Variants in SLCO4C1 observed in about 807,000 individuals in gnomAD.
The protein encoded by SLCO4C1 is organic anion transporter M1.
SLCO4C1 carries 58 observed loss-of-function variants against 72.1 expected under a neutral mutation model. The observed-to-expected ratio is 0.80, with a 90% CI of 0.65 to 1.00. The LOEUF is 1.00. Ranked by LOEUF, SLCO4C1 falls within the 50% of genes least tolerant of loss-of-function variation. SLCO4C1 has a pLI of 0.00. For synonymous variants in SLCO4C1, 297 were observed against 312.5 expected (o/e 0.95, Z 0.52); for missense variants, 898 against 857.9 (o/e 1.05, Z -0.58).
At chr5:102,282,984 T>C (rs1174355806) in intron 2 of SLCO4C1, among the ~76,000 whole-genome samples, 3 of 151,976 alleles carry the variant, frequency 2.0e-5, no homozygotes, top group Non-Finnish European at 4.4e-5. Context: ...CAAGATATTT[T>C]CAAATGGCAA....
In SLCO4C1 at chr5:102,247,332, C is replaced by G. The variant is rs1347381300; in HGVS notation, c.1731G>C (p.Leu577=). The change falls in exon 10 of 13, where the codon CTG becomes CTC. Residue 577 remains leucine, a synonymous_variant. Coordinates refer to ENST00000310954, the MANE Select transcript of SLCO4C1 (RefSeq NM_180991.5). ...TAAAGAAAATGCAAAGGAATATGGG[C>G]AGTTTCGCACAATGAGTTTCACATT... ...AGKCETHCAK[L]PIFLCIFFIV... 1 of 1,598,220 alleles carries G rather than the reference C, an allele frequency of 6.3e-7. No individual in the cohort carries two copies. The highest frequency in any genetic ancestry group is 2.2e-5 in the East Asian group (1 of 44,510).
intron 8 of SLCO4C1, among the ~76,000 whole-genome samples, chr5:102,256,209 A>C (rs576496798): frequency 6.6e-6 from 1 of 152,342 alleles, no homozygotes; most frequent in East Asian, 1.9e-4. Context: ...CTGTCTAAAA[A>C]AAACAAAAAA....
Position 102,295,871 on chromosome 5 carries a change from CCA to C in SLCO4C1, c.355+35_355+36del, listed in dbSNP as rs1749640443. ...TGGCTCGCCGTGCCCACCTCGCTCT[CCA>C]CTGGCCCGAGCCTCAAGCGGGCGCT... On this transcript the variant is annotated intron_variant, in intron 1 of 12. Transcript: ENST00000310954. 1.9e-6 allele frequency: 3 copies of C among 1,566,500 alleles called. No individual in the cohort carries two copies. The East Asian group carries it at 6.8e-5, about 36-fold the overall frequency.
intron 10 of SLCO4C1, among the ~76,000 whole-genome samples, chr5:102,242,072 C>T (rs1748551470): frequency 6.6e-6 from 1 of 152,146 alleles, no homozygotes; most frequent in African/African-American, 2.4e-5. Flanking sequence ...GCAATAAAAT[C>T]ACTGCTGTCC....
At position 102,296,182 on chromosome 5, in the gene SLCO4C1, G is replaced by A; in HGVS notation, c.81C>T (p.Pro27=). 6.2e-7 allele frequency: 1 copy of A among 1,607,986 alleles called. No individual in the cohort carries two copies. Among genetic ancestry groups the A allele is most frequent in the Non-Finnish European group, 8.5e-7 (1 of 1,176,610 alleles). The change falls in exon 1 of 13, where the codon CCC becomes CCT. Residue 27 remains proline, a synonymous_variant. Transcript: ENST00000310954. ...ACAAGGCAGAGACTTCGATTTGGGA[G>A]GGCGACGCAGACAAGCGGCGCAGGA... ...PDILRRLSAS[P]SQIEVSALSS... is the part of the protein sequence containing the mutation.
At chr5:102,244,533 C>T (rs896816138) in intron 10 of SLCO4C1, among the ~76,000 whole-genome samples, 1 of 151,954 alleles carries the variant, frequency 6.6e-6, no homozygotes, top group Non-Finnish European at 1.5e-5. Context: ...TATCCAAGTA[C>T]GAGAAGGTTA....
intron 2 of SLCO4C1, among the ~76,000 whole-genome samples, chr5:102,283,997 C>T (rs549911162): frequency 6.6e-6 from 1 of 152,282 alleles, no homozygotes; most frequent in African/African-American, 2.4e-5. Context: ...CTCATTTTAG[C>T]TTCCTTTTCA....
At chr5:102,259,198 T>C (rs1748892931) in intron 6 of SLCO4C1, among the ~76,000 whole-genome samples, 1 of 152,052 alleles carries the variant, frequency 6.6e-6, no homozygotes. Flanking sequence ...GATATCTAGG[T>C]GGTATCCTAT....
intron 3 of SLCO4C1, among the ~76,000 whole-genome samples, chr5:102,266,206 G>C (rs776102302): frequency 6.6e-6 from 1 of 152,046 alleles, no homozygotes; most frequent in Non-Finnish European, 1.5e-5. Flanking sequence ...TTTTTTGGTG[G>C]AGTCTTTAGA....
At chr5:102,242,096 AG>A (rs1748552234) in intron 10 of SLCO4C1, among the ~76,000 whole-genome samples, 1 of 152,184 alleles carries the variant, frequency 6.6e-6, no homozygotes, top group Non-Finnish European at 1.5e-5. Flanking sequence ...TAGAGCAGAA[AG>A]GAAAACCAGA....
chr5:102,281,385 A>G (rs1399179341), intron 2 of SLCO4C1, among the ~76,000 whole-genome samples: 1 of 152,134 alleles, frequency 6.6e-6, no homozygotes, highest in Non-Finnish European at 1.5e-5. Context: ...AGCTAGGCAA[A>G]GGGTTTTTAG....
rs1158755724 is a variant in SLCO4C1 at position 102,233,993 on chromosome 5, T to C, written c.*2865A>G. ...TAAGCTCAAACACGACAATTTTGTATAAACATTCTGATTTAATAAATGGTA... is the reference window on the plus strand; with the variant it reads ...TAAGCTCAAACACGACAATTTTGTACAAACATTCTGATTTAATAAATGGTA... On this transcript the variant is annotated 3_prime_UTR_variant, in exon 13 of 13. Coordinates refer to ENST00000310954, the MANE Select transcript of SLCO4C1 (RefSeq NM_180991.5). 6.6e-6 allele frequency: 1 copy of C among 152,252 alleles called. No individual in the cohort carries two copies. Among genetic ancestry groups the C allele is most frequent in the East Asian group, 1.9e-4 (1 of 5,188 alleles). 9.4% of individuals were successfully genotyped at this position (152,252 alleles called of 1,614,324 possible).
chr5:102,270,967 A>C (rs984278506), intron 2 of SLCO4C1, among the ~76,000 whole-genome samples, 161 bp from the exon 3 acceptor site: 1 of 152,114 alleles, frequency 6.6e-6, no homozygotes, highest in African/African-American at 2.4e-5. Context: ...AGAAAAATAC[A>C]CTTTCTTACC....
At chr5:102,258,129 T>G (rs1748873506) in intron 6 of SLCO4C1, 42 bp from the exon 7 acceptor site, 1 of 1,462,942 alleles carries the variant, frequency 6.8e-7, no homozygotes, top group East Asian at 2.5e-5. Flanking sequence ...TAGCTATGAT[T>G]GTATTGCAAA....
At position 102,257,294 on chromosome 5, in the gene SLCO4C1, A is replaced by G; in HGVS notation, c.1290T>C (p.Pro430=). The G allele has an allele frequency of 6.3e-7, 1 of 1,599,090 alleles. No homozygotes were observed. The highest frequency in any genetic ancestry group is 8.5e-7 in the Non-Finnish European group (1 of 1,174,518). The part of the protein sequence containing the change: ...AATLGGAVLI[P]GAALGQILGG... ...CTAAAATTTGACCGAGAGCAGCTCC[A>G]GGAATTAAAACAGCCCCTAATAAGA... The change falls in exon 8 of 13, where the codon CCT becomes CCC. Residue 430 remains proline (P), a synonymous_variant. Coordinates refer to ENST00000310954, the MANE Select transcript of SLCO4C1 (RefSeq NM_180991.5).
intron 11 of SLCO4C1, among the ~76,000 whole-genome samples, chr5:102,240,440 T>C (rs887782832): frequency 1.3e-5 from 2 of 152,146 alleles, no homozygotes; most frequent in Non-Finnish European, 2.9e-5. Flanking sequence ...AAAGAAATTA[T>C]GTGTTGATGA....
chr5:102,237,100 G>C, intron 12 of SLCO4C1, 82 bp from the exon 13 acceptor site: 1 of 1,329,752 alleles, frequency 7.5e-7, no homozygotes, highest in East Asian at 2.6e-5. Context: ...TTCATGAATA[G>C]AACATTTTTA....
At position 102,253,760 on chromosome 5, in the gene SLCO4C1, G is replaced by A. The variant is rs180758020; in HGVS notation, c.1469+3355C>T. 1.6e-3 allele frequency among the ~76,000 whole-genome samples: 235 copies of A among 151,392 alleles called. 1 individual carries two copies. Among genetic ancestry groups the A allele is most frequent in the Non-Finnish European group, 3.0e-3 (201 of 67,874 alleles). ...GCAGAGGTTGCAGTGAGCTGAGATC[G>A]TGCCACTACACTCCAGCCTGGGCGA... is the stretch of plus-strand genomic sequence containing the variant. On this transcript the variant is annotated intron_variant, in intron 8 of 12. Coordinates refer to ENST00000310954, the MANE Select transcript of SLCO4C1 (RefSeq NM_180991.5).
At chr5:102,254,451 C>T (rs1748797061) in intron 8 of SLCO4C1, among the ~76,000 whole-genome samples, 1 of 152,040 alleles carries the variant, frequency 6.6e-6, no homozygotes, top group African/African-American at 2.4e-5. Context: ...TTTTGATGTA[C>T]TATAATAATT....
Sources: allele counts gnomAD v4.1 joint callset (sites outside exome capture counted in the v4.1 genomes callset), GRCh38; gene constraint gnomAD v4.1.1; transcripts MANE v1.5; gene names NCBI Gene and HGNC (gene_info 2026-07-23, HGNC 2026-07-21).